The following MINAR1 variants were observed in gnomAD, a reference collection of about 807,000 sequenced individuals.
The protein encoded by MINAR1 is major intrinsically disordered Notch2-binding receptor 1.
In MINAR1, 40 loss-of-function variants were observed where a neutral mutation model predicts 65.1. The ratio of observed to expected loss-of-function variants is 0.61; its 90% CI spans 0.48 to 0.80. MINAR1 has a LOEUF of 0.80. MINAR1 is among the 30% of genes least tolerant of loss of function. The probability of loss-of-function intolerance (pLI) is 0.00; values close to 1 mark genes in which losing one functional copy is unlikely to be tolerated. For missense variants in MINAR1, 1,128 were observed against 1,148.0 expected (o/e 0.98, Z 0.25); for synonymous variants, 482 against 449.1 (o/e 1.07, Z -0.93).
chr15:79,444,893 C>T (rs1376774914), intron 1 of MINAR1, among the ~76,000 whole-genome samples: 1 of 151,826 alleles, frequency 6.6e-6, no homozygotes, highest in Non-Finnish European at 1.5e-5. Context: ...ATGTATAGAT[C>T]AAGTGTGTTA....
chr15:79,421,206 T>C, the MINAR1 span: 1 of 152,184 alleles, frequency 6.6e-6, no homozygotes, highest in African/African-American at 2.4e-5. Flanking sequence ...TCAACATACA[T>C]AAAATTACTC....
chr15:79,430,120 G>C (rs1894404329), upstream of MINAR1, among the ~76,000 whole-genome samples: 1 of 152,196 alleles, frequency 6.6e-6, no homozygotes, highest in African/African-American at 2.4e-5. Context: ...GTAACTGTAG[G>C]ATCAGAAAGC....
upstream of MINAR1, among the ~76,000 whole-genome samples, chr15:79,431,481 G>T (rs1367318366): frequency 6.7e-6 from 1 of 149,724 alleles, no homozygotes; most frequent in African/African-American, 2.5e-5. Flanking sequence ...TGGGGTTTGG[G>T]GGTGTGTGAA....
chr15:79,449,397 A>C (rs886524977), intron 1 of MINAR1, among the ~76,000 whole-genome samples: 1 of 152,214 alleles, frequency 6.6e-6, no homozygotes, highest in East Asian at 1.9e-4. Flanking sequence ...GAGACTAGGT[A>C]ATTTATAAGG....
the MINAR1 span, chr15:79,413,905 G>T: frequency 6.6e-6 from 1 of 152,160 alleles, no homozygotes; most frequent in Non-Finnish European, 1.5e-5. Flanking sequence ...CACTATGATG[G>T]ATATTAATTG....
intron 1 of MINAR1, among the ~76,000 whole-genome samples, chr15:79,440,786 C>T (rs561911636): frequency 1.3e-5 from 2 of 152,312 alleles, no homozygotes. Flanking sequence ...AATACCTCCC[C>T]TTGTTCTTTC....
At chr15:79,424,983 T>C in the MINAR1 span, 1 of 152,110 alleles carries the variant, frequency 6.6e-6, no homozygotes, top group South Asian at 2.1e-4. Flanking sequence ...TAAGCATTAG[T>C]GTGCAATTAT....
chr15:79,455,738 G>C (rs761286361), intron 1 of MINAR1, among the ~76,000 whole-genome samples: 4 of 152,098 alleles, frequency 2.6e-5, no homozygotes, highest in Admixed American at 6.5e-5. Context: ...ATGCGTAGTA[G>C]TCCATTGTAA....
chr15:79,425,717 C>T, the MINAR1 span: 1 of 152,218 alleles, frequency 6.6e-6, no homozygotes, highest in African/African-American at 2.4e-5. Context: ...CATTCGACAG[C>T]TGAGGAAACA....
At chr15:79,453,368 AC>A (rs1895303751) in intron 1 of MINAR1, among the ~76,000 whole-genome samples, 1 of 151,754 alleles carries the variant, frequency 6.6e-6, no homozygotes, top group African/African-American at 2.4e-5. Context: ...CCCATACAGG[AC>A]CCCCAGCAAC....
intron 1 of MINAR1, among the ~76,000 whole-genome samples, chr15:79,440,998 A>G (rs1894854355): frequency 6.6e-6 from 1 of 152,196 alleles, no homozygotes; most frequent in African/African-American, 2.4e-5. Context: ...GCCAGTTACA[A>G]AAGAAACATT....
rs530708482 is a variant in MINAR1 at position 79,434,432 on chromosome 15, C to T, written c.-51+1892C>T. ...CTCTCCTGCCTCTATTCACAGCAGA[C>T]GCACAGAACTGATCTGGGAATTTTC... On this transcript the variant is annotated intron_variant, in intron 1 of 3. Transcript: ENST00000305428. 1.6e-3 allele frequency among the ~76,000 whole-genome samples: 243 copies of T among 152,318 alleles called. 2 individuals carry two copies. Among genetic ancestry groups the T allele is most frequent in the South Asian group, 0.015 (74 of 4,826 alleles).
At chr15:79,465,332 C>T (rs17265800) in intron 3 of MINAR1, among the ~76,000 whole-genome samples, 33,263 of 152,002 alleles carry the variant, frequency 0.22, 4,144 homozygotes, top group Middle Eastern at 0.33. Flanking sequence ...ACAATCTTCC[C>T]GGAGTTCCTT....
upstream of MINAR1, among the ~76,000 whole-genome samples, chr15:79,430,106 C>A (rs914256182): frequency 1.9e-4 from 29 of 152,328 alleles, no homozygotes; most frequent in African/African-American, 6.0e-4. Context: ...CTGGCTGGAA[C>A]TGAGTAACTG....
Position 79,456,707 on chromosome 15 carries a change from A to ACCGCGCCGCTTT in MINAR1, c.571_572insTCCGCGCCGCTT (p.Ala190_Ser191insPheArgAlaAla). On this transcript the variant is annotated inframe_insertion, in exon 2 of 4. Transcript: ENST00000305428. ...TTGGGAGTTAGCAAAGAGGTGAAAA[A>ACCGCGCCGCTTT]CCGCGCCGCTTCCCTGGACAGGTTG... 1.9e-6 allele frequency: 3 copies of ACCGCGCCGCTTT among 1,613,542 alleles called. No individual in the cohort carries two copies. Among genetic ancestry groups the ACCGCGCCGCTTT allele is most frequent in the Non-Finnish European group, 2.5e-6 (3 of 1,179,838 alleles).
At chr15:79,460,679 C>T (rs1035547409) in intron 2 of MINAR1, among the ~76,000 whole-genome samples, 13 of 152,188 alleles carry the variant, frequency 8.5e-5, no homozygotes, top group African/African-American at 1.9e-4. Context: ...TCTGTGGTTG[C>T]GCAGGGCCCC....
At chr15:79,439,360 ATG>A (rs1273241168) in intron 1 of MINAR1, among the ~76,000 whole-genome samples, 19 of 35,110 alleles carry the variant, frequency 5.4e-4, no homozygotes, top group African/African-American at 1.8e-3. Flanking sequence ...GGGTAATGAG[ATG>A]TGGGTGGGGT....
Position 79,457,246 on chromosome 15 carries a change from A to G in MINAR1, c.1099A>G (p.Lys367Glu), listed in dbSNP as rs758362431. 1.2e-6 allele frequency: 2 copies of G among 1,614,074 alleles called. No homozygotes were observed. The highest frequency in any genetic ancestry group is 1.1e-5 in the South Asian group (1 of 91,084). The change falls in exon 2 of 4, where the codon AAA becomes GAA. Residue 367 changes from lysine to glutamate, a missense_variant. Transcript: ENST00000305428. ...KPNKQTPWPA[K>E]SWSLNTEEVP... is the part of the protein sequence containing the mutation. Reference sequence around the variant, plus strand: ...CAACAAGCAGACTCCCTGGCCAGCCAAAAGCTGGAGCCTAAACACAGAGGA... The same window carrying G: ...CAACAAGCAGACTCCCTGGCCAGCCGAAAGCTGGAGCCTAAACACAGAGGA...
At position 79,470,203 on chromosome 15, in the gene MINAR1, A is replaced by T. The variant is rs1204463817; in HGVS notation, c.*1819A>T. 1.3e-5 allele frequency: 2 copies of T among 152,650 alleles called. No homozygotes were observed. The highest frequency in any genetic ancestry group is 2.9e-5 in the Non-Finnish European group (2 of 68,052). The allele number at this position is 152,650 out of a possible 1,614,324, so 9.5% of individuals were successfully genotyped here. Reference sequence around the variant, plus strand: ...AAAAAATATGTTACTCTCTATCATCAGAATTATAGTCTTTGGTGCTCTGTT... The same window carrying T: ...AAAAAATATGTTACTCTCTATCATCTGAATTATAGTCTTTGGTGCTCTGTT... On this transcript the variant is annotated 3_prime_UTR_variant, in exon 4 of 4. Transcript: ENST00000305428.
Sources: gnomAD v4.1 joint callset for allele counts (sites outside exome capture counted in the v4.1 genomes callset) on GRCh38, gnomAD v4.1.1 for gene constraint, MANE v1.5 for transcripts, NCBI Gene and HGNC (gene_info 2026-07-23, HGNC 2026-07-21) for gene names.